Variants in ZFPM2 observed in about 807,000 individuals in gnomAD.
The protein encoded by ZFPM2 is zinc finger protein, FOG family member 2, also known as zinc finger protein ZFPM2.
In ZFPM2, 20 loss-of-function variants were observed where a neutral mutation model predicts 98.6. The ratio of observed to expected loss-of-function variants is 0.20; its 90% CI spans 0.14 to 0.29. The LOEUF (loss-of-function observed/expected upper bound fraction) is 0.29, where lower values mean the gene tolerates loss of function less well. Ranked by LOEUF, ZFPM2 falls within the 10% of genes least tolerant of loss-of-function variation. The probability of loss-of-function intolerance (pLI) is 1.00; values close to 1 mark genes in which losing one functional copy is unlikely to be tolerated. For synonymous variants in ZFPM2, 518 were observed against 502.7 expected (o/e 1.03, Z -0.41); for missense variants, 1,310 against 1,388.6 (o/e 0.94, Z 0.90).
At chr8:105,441,456 A>AGAGAGAGAG (rs1563659915) in intron 2 of ZFPM2, among the ~76,000 whole-genome samples, 23 of 46,124 alleles carry the variant, frequency 5.0e-4, no homozygotes, top group African/African-American at 2.7e-3. Flanking sequence ...GAGAGAGAGA[A>AGAGAGAGAG]AGAAAGAAAG....
chr8:105,459,505 A>G (rs565016203), intron 3 of ZFPM2, among the ~76,000 whole-genome samples: 25 of 152,318 alleles, frequency 1.6e-4, no homozygotes, highest in African/African-American at 5.8e-4. Flanking sequence ...TCAGGCTCCC[A>G]TAATGTAATA....
chr8:105,570,324 T>A (rs570126666), intron 4 of ZFPM2, among the ~76,000 whole-genome samples: 45 of 150,998 alleles, frequency 3.0e-4, no homozygotes, highest in Admixed American at 1.5e-3. Context: ...TTATTTATTT[T>A]TTTTTTGATG....
At chr8:105,479,350 A>G (rs748437155) in intron 3 of ZFPM2, among the ~76,000 whole-genome samples, 5 of 152,194 alleles carry the variant, frequency 3.3e-5, no homozygotes, top group Admixed American at 6.5e-5. Flanking sequence ...TTTTTTTCCT[A>G]GTAAACATTG....
intron 2 of ZFPM2, among the ~76,000 whole-genome samples, chr8:105,424,356 A>G (rs1302827731): frequency 1.3e-5 from 2 of 152,196 alleles, no homozygotes; most frequent in African/African-American, 4.8e-5. Flanking sequence ...GCATCTAGAT[A>G]TGAAGAATGG....
intron 5 of ZFPM2, among the ~76,000 whole-genome samples, chr8:105,784,312 G>A (rs16873678): frequency 0.09 from 11,727 of 130,132 alleles, 1,313 homozygotes; most frequent in African/African-American, 0.18. Flanking sequence ...TAGAAACTAT[G>A]TCTGTTTTTA....
At chr8:105,538,612 T>C (rs1034139768) in intron 3 of ZFPM2, among the ~76,000 whole-genome samples, 1 of 152,136 alleles carries the variant, frequency 6.6e-6, no homozygotes, top group African/African-American at 2.4e-5. Flanking sequence ...ACATTATCCG[T>C]GACTTTATTC....
chr8:105,662,097 T>G (rs1817400938), intron 5 of ZFPM2, among the ~76,000 whole-genome samples: 1 of 152,126 alleles, frequency 6.6e-6, no homozygotes, highest in Non-Finnish European at 1.5e-5. Flanking sequence ...AATCCAACTG[T>G]TCATTTAAAT....
At chr8:105,370,068 T>A (rs554820907) in intron 1 of ZFPM2, among the ~76,000 whole-genome samples, 4 of 152,288 alleles carry the variant, frequency 2.6e-5, no homozygotes, top group Non-Finnish European at 5.9e-5. Context: ...GGAAATCTAG[T>A]TACTGGTCCA....
intron 6 of ZFPM2, among the ~76,000 whole-genome samples, chr8:105,792,973 G>A (rs1387669781): frequency 6.6e-6 from 1 of 152,110 alleles, no homozygotes; most frequent in African/African-American, 2.4e-5. Context: ...TTGAGCCTGT[G>A]TGTGTCTCTG....
intron 5 of ZFPM2, among the ~76,000 whole-genome samples, chr8:105,660,504 A>G (rs535486758): frequency 6.6e-6 from 1 of 152,378 alleles, no homozygotes; most frequent in African/African-American, 2.4e-5. Flanking sequence ...AGGAAGTATC[A>G]TACATGTGTA....
At chr8:105,603,379 A>G (rs1816132965) in intron 4 of ZFPM2, among the ~76,000 whole-genome samples, 1 of 152,130 alleles carries the variant, frequency 6.6e-6, no homozygotes, top group Non-Finnish European at 1.5e-5. Flanking sequence ...AAAAACTTAT[A>G]TCAAGGATAT....
chr8:105,526,530 G>A (rs1486610004), intron 3 of ZFPM2, among the ~76,000 whole-genome samples: 1 of 152,068 alleles, frequency 6.6e-6, no homozygotes, highest in Non-Finnish European at 1.5e-5. Flanking sequence ...TACCTGACTA[G>A]CCTCTTTGAT....
chr8:105,739,806 T>G (rs1374338605), intron 5 of ZFPM2, among the ~76,000 whole-genome samples: 1 of 151,932 alleles, frequency 6.6e-6, no homozygotes, highest in Non-Finnish European at 1.5e-5. Flanking sequence ...TCAAAAATGG[T>G]AGGGTAGAGG....
At chr8:105,441,448 G>GAGAGAA (rs1812238471) in intron 2 of ZFPM2, among the ~76,000 whole-genome samples, 1 of 36,036 alleles carries the variant, frequency 2.8e-5, no homozygotes. Context: ...GAGAGAGAGA[G>GAGAGAA]AGAGAGAAAG....
At chr8:105,337,054 G>A (rs1812340341) in intron 1 of ZFPM2, among the ~76,000 whole-genome samples, 3 of 151,784 alleles carry the variant, frequency 2.0e-5, no homozygotes, top group African/African-American at 4.8e-5. Flanking sequence ...ACCAGTTGGT[G>A]AAAATGCATT....
rs78297916 is a variant in ZFPM2 at position 105,571,915 on chromosome 8, A to G, written c.420+10434A>G. 1.3e-3 allele frequency among the ~76,000 whole-genome samples: 191 copies of G among 151,674 alleles called. 3 individuals carry two copies. The East Asian group carries it at 0.033, about 26-fold the overall frequency. On this transcript the variant is annotated intron_variant, in intron 4 of 7. Coordinates refer to ENST00000407775, the MANE Select transcript of ZFPM2 (RefSeq NM_012082.4). ...CTCTCAGGTGGCATTGACAACCTTT[A>G]TTATCATATAAGGTTTTCCTAGCAT...
At chr8:105,365,238 C>T (rs1202759504) in intron 1 of ZFPM2, among the ~76,000 whole-genome samples, 1 of 152,068 alleles carries the variant, frequency 6.6e-6, no homozygotes, top group Non-Finnish European at 1.5e-5. Flanking sequence ...GATCATTGGC[C>T]TTTCAATTTG....
At chr8:105,346,400 T>C in intron 1 of ZFPM2, among the ~76,000 whole-genome samples, 1 of 150,056 alleles carries the variant, frequency 6.7e-6, no homozygotes, top group Non-Finnish European at 1.5e-5. Flanking sequence ...AAAAAAAAAA[T>C]AAATAAATAA....
chr8:105,778,646 T>C (rs567143474), intron 5 of ZFPM2, among the ~76,000 whole-genome samples: 2 of 152,190 alleles, frequency 1.3e-5, no homozygotes, highest in Non-Finnish European at 2.9e-5. Context: ...TGTCATCAGT[T>C]GACCATCTTT....
Sources: gnomAD v4.1 joint callset for allele counts (sites outside exome capture counted in the v4.1 genomes callset) on GRCh38, gnomAD v4.1.1 for gene constraint, MANE v1.5 for transcripts, NCBI Gene and HGNC (gene_info 2026-07-23, HGNC 2026-07-21) for gene names.